Variants in RANBP17 observed in about 807,000 individuals in gnomAD.
RANBP17 encodes the protein RAN binding protein 17.
Under a neutral mutation model 141.2 loss-of-function variants are expected in RANBP17, and 158 were observed. That is an observed-to-expected ratio of 1.12 (90% CI 0.98 to 1.28). The LOEUF is 1.28. Among genes scored for constraint, RANBP17 ranks in the 50% most tolerant of loss-of-function variants. The pLI, the probability that RANBP17 is intolerant of heterozygous loss-of-function variation, is 0.00. For synonymous variants in RANBP17, 430 were observed against 450.0 expected (o/e 0.96, Z 0.56); for missense variants, 1,438 against 1,290.7 (o/e 1.11, Z -1.75).
intron 14 of RANBP17, among the ~76,000 whole-genome samples, chr5:171,066,694 A>G (rs245764): frequency 0.67 from 101,998 of 152,066 alleles, 34,476 homozygotes; most frequent in South Asian, 0.89. Flanking sequence ...CCAGTAGTGA[A>G]ATTGCTTGAT....
intron 14 of RANBP17, among the ~76,000 whole-genome samples, chr5:171,155,904 C>T (rs1285227345): frequency 6.6e-6 from 1 of 152,086 alleles, no homozygotes. Flanking sequence ...TACACTACCT[C>T]ATAAATACAT....
At position 170,892,466 on chromosome 5, in the gene RANBP17, T is replaced by C. The variant is rs1271279816; in HGVS notation, c.336T>C (p.Ala112=). 8 of 1,614,146 alleles carry C rather than the reference T, an allele frequency of 5.0e-6. No individual in the cohort carries two copies. The highest frequency in any genetic ancestry group is 2.2e-5 in the East Asian group (1 of 44,884). ...FVIQALIQVI[A]KITKLGWFEV... is the part of the protein sequence containing the mutation. ...TCCAAGCTCTTATTCAAGTCATTGC[T>C]AAAATCACTAAGTTGGGGTGGTTTG... The change falls in exon 4 of 28, where the codon GCT becomes GCC. Residue 112 remains alanine, a synonymous_variant. Transcript: ENST00000523189.
intron 14 of RANBP17, among the ~76,000 whole-genome samples, chr5:171,063,636 T>C (rs1017202158): frequency 1.3e-5 from 2 of 152,244 alleles, no homozygotes; most frequent in Non-Finnish European, 2.9e-5. Flanking sequence ...GAGGAGGCAG[T>C]CTGCCCGTTC....
chr5:171,159,373 AG>A (rs1561715753), intron 14 of RANBP17, among the ~76,000 whole-genome samples: 1 of 152,214 alleles, frequency 6.6e-6, no homozygotes, highest in East Asian at 1.9e-4. Flanking sequence ...TTGGATGTCT[AG>A]TCCTGGCTCG....
At chr5:171,072,890 G>C (rs1251780710) in intron 14 of RANBP17, among the ~76,000 whole-genome samples, 1 of 152,134 alleles carries the variant, frequency 6.6e-6, no homozygotes, top group Non-Finnish European at 1.5e-5. Context: ...ACCATGAAGT[G>C]GAGTGAGTTG....
chr5:171,165,467 C>A (rs867401210), intron 14 of RANBP17, among the ~76,000 whole-genome samples: 1 of 152,038 alleles, frequency 6.6e-6, no homozygotes, highest in East Asian at 1.9e-4. Flanking sequence ...CATGAGCCAC[C>A]GCGCCCAGCC....
At chr5:171,010,697 C>A (rs1042809093) in intron 14 of RANBP17, among the ~76,000 whole-genome samples, 1 of 151,962 alleles carries the variant, frequency 6.6e-6, no homozygotes, top group Non-Finnish European at 1.5e-5. Context: ...CCACAAAAAA[C>A]CAGTATCAGG....
chr5:171,073,489 G>A (rs968768831), intron 14 of RANBP17, among the ~76,000 whole-genome samples: 12 of 152,144 alleles, frequency 7.9e-5, no homozygotes, highest in African/African-American at 2.7e-4. Flanking sequence ...GTCAGAGTAA[G>A]AAGTTACAAG....
chr5:170,995,596 G>T (rs1207006251), intron 14 of RANBP17, among the ~76,000 whole-genome samples: 1 of 152,086 alleles, frequency 6.6e-6, no homozygotes, highest in Non-Finnish European at 1.5e-5. Flanking sequence ...AGAGTCGATG[G>T]TTGATTAAAT....
At chr5:170,946,550 C>T (rs764586576) in intron 12 of RANBP17, among the ~76,000 whole-genome samples, 52 of 152,092 alleles carry the variant, frequency 3.4e-4, no homozygotes, top group Non-Finnish European at 7.1e-4. Context: ...TCGCTGTGAA[C>T]AATAAATTAG....
chr5:171,213,208 T>A (rs1763014024), intron 20 of RANBP17, among the ~76,000 whole-genome samples: 1 of 152,154 alleles, frequency 6.6e-6, no homozygotes, highest in Non-Finnish European at 1.5e-5. Context: ...ATAAAAATAT[T>A]TTTCTAAGTA....
At position 171,105,359 on chromosome 5, in the gene RANBP17, G is replaced by A. The variant is rs1241289235; in HGVS notation, c.1711-64771G>A. Among the ~76,000 whole-genome samples the A allele has an allele frequency of 7.4e-4, 95 of 128,046 alleles. 1 individual carries two copies. In the East Asian group the frequency reaches 0.021, roughly 29 times the overall value. 84.0% of individuals were successfully genotyped at this position (128,046 alleles called of 152,430 possible). On this transcript the variant is annotated intron_variant, in intron 14 of 27. Transcript: ENST00000523189. ...ATCCCGCCACTGCACTCCAGCCTGGGCGACAGAGCGAGACTCCGTCTCAAA... is the reference window on the plus strand; with the variant it reads ...ATCCCGCCACTGCACTCCAGCCTGGACGACAGAGCGAGACTCCGTCTCAAA...
At chr5:170,919,256 AAAT>A (rs1772230409) in intron 10 of RANBP17, among the ~76,000 whole-genome samples, 182 bp from the exon 11 acceptor site, 1 of 152,060 alleles carries the variant, frequency 6.6e-6, no homozygotes, top group Non-Finnish European at 1.5e-5. Context: ...CTGGGTGGTA[AAAT>A]AATAGAGATG....
chr5:170,865,050 A>G (rs1466800620), intron 1 of RANBP17, among the ~76,000 whole-genome samples: 1 of 151,966 alleles, frequency 6.6e-6, no homozygotes, highest in Non-Finnish European at 1.5e-5. Flanking sequence ...TGCTGTTTGC[A>G]GGTTTGTTGT....
intron 16 of RANBP17, among the ~76,000 whole-genome samples, chr5:171,178,258 G>A (rs56084635): frequency 0.03 from 4,448 of 147,386 alleles, 106 homozygotes; most frequent in Non-Finnish European, 0.042. Flanking sequence ...ACTTATGAGT[G>A]AGAACATGTG....
At chr5:171,191,322 A>G (rs543827611) in intron 18 of RANBP17, among the ~76,000 whole-genome samples, 3 of 151,730 alleles carry the variant, frequency 2.0e-5, no homozygotes, top group African/African-American at 4.9e-5. Context: ...AACCACTTTC[A>G]TAGGCATTTA....
chr5:170,888,656 CT>C (rs1769355056), intron 3 of RANBP17, among the ~76,000 whole-genome samples: 1 of 152,088 alleles, frequency 6.6e-6, no homozygotes, highest in Non-Finnish European at 1.5e-5. Context: ...AGCAAAGACA[CT>C]TTTAGTTCTT....
intron 14 of RANBP17, among the ~76,000 whole-genome samples, chr5:171,032,260 C>T (rs1188566659): frequency 6.6e-6 from 1 of 152,062 alleles, no homozygotes; most frequent in African/African-American, 2.4e-5. Flanking sequence ...GGCAAATGTA[C>T]TCATAATGGA....
At chr5:171,144,764 G>T (rs1757927931) in intron 14 of RANBP17, among the ~76,000 whole-genome samples, 1 of 152,160 alleles carries the variant, frequency 6.6e-6, no homozygotes, top group Non-Finnish European at 1.5e-5. Context: ...ATGACATTAT[G>T]ACTTACTGTG....
Sources: gnomAD v4.1 joint callset for allele counts (sites outside exome capture counted in the v4.1 genomes callset) on GRCh38, gnomAD v4.1.1 for gene constraint, MANE v1.5 for transcripts, NCBI Gene and HGNC (gene_info 2026-07-23, HGNC 2026-07-21) for gene names.